TVP23A: variants seen among roughly 807,000 people sequenced by gnomAD.
TVP23A encodes the protein trans-golgi network vesicle protein 23 homolog A, also known as Golgi apparatus membrane protein TVP23 homolog A.
In TVP23A, 21 loss-of-function variants were observed where a neutral mutation model predicts 31.7. The ratio of observed to expected loss-of-function variants is 0.66; its 90% CI spans 0.47 to 0.95. The LOEUF is 0.95. TVP23A is among the 40% of genes least tolerant of loss of function. The pLI is 0.00. For missense variants in TVP23A, 279 were observed against 255.6 expected, an observed-to-expected ratio of 1.09 and a Z score of -0.62; for synonymous variants, 104 against 96.0, an observed-to-expected ratio of 1.08 and a Z score of -0.49.
chr16:10,799,397 G>C (rs932152142), intron 2 of TVP23A, among the ~76,000 whole-genome samples: 8 of 152,196 alleles, frequency 5.3e-5, no homozygotes, highest in African/African-American at 1.9e-4. Context: ...ATAGTGGTGG[G>C]ATCTTGGCTC....
chr16:10,818,273 G>T lies in TVP23A; in HGVS notation c.10-91C>A. The T allele has an allele frequency of 3.9e-6, 4 of 1,015,096 alleles. No homozygotes were observed. Among genetic ancestry groups the T allele is most frequent in the Non-Finnish European group, 5.7e-6 (4 of 706,424 alleles). 62.9% of individuals were successfully genotyped at this position (1,015,096 alleles called of 1,614,324 possible). A position where few individuals can be genotyped will look rare whatever the true frequency, so the allele number is the denominator to read the frequency against. The stretch of plus-strand genomic sequence containing the variant: ...GTCCTCCTGGGCTTGGACTCCACTT[G>T]CACCCCACCGGGTTCCCAAGTGGAC... On this transcript the variant is annotated intron_variant, in intron 1 of 7. Coordinates refer to ENST00000299866, the MANE Select transcript of TVP23A (RefSeq NM_001079512.4). The surrounding 1 kb of genome is among the most constrained non-coding windows in gnomAD (Gnocchi z 4.7).
downstream of TVP23A, chr16:10,761,114 G>A (rs1229166006): frequency 7.9e-6 from 3 of 379,692 alleles, no homozygotes; most frequent in Non-Finnish European, 1.5e-5. Flanking sequence ...GACCAGCATG[G>A]GGGAAACTGC....
chr16:10,809,420 C>T (rs1403144215), intron 2 of TVP23A, among the ~76,000 whole-genome samples: 1 of 152,226 alleles, frequency 6.6e-6, no homozygotes, highest in African/African-American at 2.4e-5. Context: ...AGTTGGCCAG[C>T]AGGCCTTGGG....
intron 2 of TVP23A, among the ~76,000 whole-genome samples, chr16:10,817,014 T>G (rs978068560): frequency 6.6e-6 from 1 of 151,650 alleles, no homozygotes; most frequent in Non-Finnish European, 1.5e-5. Context: ...AACACTGGCC[T>G]TGAAGACGGA....
chr16:10,792,643 A>C (rs974413054), intron 2 of TVP23A, among the ~76,000 whole-genome samples: 5 of 152,262 alleles, frequency 3.3e-5, no homozygotes, highest in Admixed American at 3.3e-4. Context: ...AGGTCCCTAT[A>C]AACCCTTCAG....
At chr16:10,813,999 CAAAAAAAAAAAAAAAAAAA>C (rs201277067) in intron 2 of TVP23A, among the ~76,000 whole-genome samples, 6 of 49,518 alleles carry the variant, frequency 1.2e-4, no homozygotes, top group African/African-American at 2.2e-4. Flanking sequence ...AACTCCATCT[CAAAAAAAAAAAAAAAAAAA>C]AAAAAAAAAA....
At chr16:10,761,554 C>G in exon 9 of TVP23A, 12 of 1,226,152 alleles carry the variant, frequency 9.8e-6, no homozygotes, top group African/African-American at 1.5e-5. Context: ...GCTCTGCAAA[C>G]TATTTCTGCT....
intron 2 of TVP23A, chr16:10,808,506 T>C (rs1177763766): frequency 4.4e-6 from 2 of 454,436 alleles, no homozygotes; most frequent in African/African-American, 2.0e-5. Flanking sequence ...AACCAAGAAA[T>C]AATAAGCAGG....
rs909177341 is a variant in TVP23A, at chr16:10,779,779, G to C, written c.90-4683C>G. Among the ~76,000 whole-genome samples, 1 of 152,190 alleles carries C rather than the reference G, an allele frequency of 6.6e-6. No homozygotes were observed. Among genetic ancestry groups the C allele is most frequent in the Non-Finnish European group, 1.5e-5 (1 of 68,034 alleles). ...CTTCTGAGCTATATGTCATGGATAA[G>C]TTTGCATTCATCTAAAATAAGTGAT... is the stretch of plus-strand genomic sequence containing the variant. On this transcript the variant is annotated intron_variant, in intron 2 of 7. Coordinates refer to ENST00000299866, the MANE Select transcript of TVP23A (RefSeq NM_001079512.4). This position sits in a 1 kb window ranked among gnomAD's most constrained non-coding sequence, Gnocchi z 4.9.
intron 2 of TVP23A, chr16:10,775,631 G>T: frequency 1.3e-6 from 1 of 794,956 alleles, no homozygotes; most frequent in Non-Finnish European, 1.5e-6. Context: ...GTGAATCCTG[G>T]CATTTAATCT....
chr16:10,769,056 A>G lies in TVP23A; in HGVS notation c.*46T>C, dbSNP rs757360350. 2 of 1,614,058 alleles carry G rather than the reference A, an allele frequency of 1.2e-6. No individual in the cohort carries two copies. The highest frequency in any genetic ancestry group is 8.5e-7 in the Non-Finnish European group (1 of 1,179,984). ...TCGTCTTGTTTTCCAGGAATCCAAG[A>G]GTTTTGTAATCTCCATCAGTCAAAA... On this transcript the variant is annotated 3_prime_UTR_variant, in exon 8 of 8. Coordinates refer to ENST00000299866, the MANE Select transcript of TVP23A (RefSeq NM_001079512.4).
Position 10,792,541 on chromosome 16 carries a change from T to C in TVP23A, c.90-17445A>G, listed in dbSNP as rs140072890. 3.3e-5 allele frequency among the ~76,000 whole-genome samples: 5 copies of C among 152,348 alleles called. No homozygotes were observed. In the East Asian group the frequency reaches 7.7e-4, roughly 23 times the overall value. On this transcript the variant is annotated intron_variant, in intron 2 of 7. Transcript: ENST00000299866. ...CGAGTGATTCTTCTGTGTGGGACAATTGAAGTGCTCTCTTCTCTTCCATTT... is the reference window on the plus strand; with the variant it reads ...CGAGTGATTCTTCTGTGTGGGACAACTGAAGTGCTCTCTTCTCTTCCATTT...
At chr16:10,774,405 T>C (rs1428102948) in intron 3 of TVP23A, among the ~76,000 whole-genome samples, 1 of 152,184 alleles carries the variant, frequency 6.6e-6, no homozygotes, top group African/African-American at 2.4e-5. Flanking sequence ...ACAAGTGATA[T>C]GGTTTGGCTG....
intron 2 of TVP23A, among the ~76,000 whole-genome samples, chr16:10,801,225 G>A (rs1326411136): frequency 1.3e-5 from 2 of 152,104 alleles, no homozygotes; most frequent in African/African-American, 2.4e-5. Context: ...GCCATCTTTA[G>A]TAGTGGCACA....
intron 2 of TVP23A, among the ~76,000 whole-genome samples, chr16:10,775,789 C>T (rs1488042731): frequency 6.8e-6 from 1 of 146,100 alleles, no homozygotes; most frequent in East Asian, 2.0e-4. Flanking sequence ...TGCTCTGTCC[C>T]CTAGGCTGGA....
At chr16:10,800,883 TGGG>T (rs1420726814) in intron 2 of TVP23A, among the ~76,000 whole-genome samples, 6 of 152,170 alleles carry the variant, frequency 3.9e-5, no homozygotes, top group African/African-American at 9.7e-5. Flanking sequence ...CTCAGCTATT[TGGG>T]AGGCTGAGGT....
intron 4 of TVP23A, 34 bp downstream of exon 4, chr16:10,774,005 C>G: frequency 6.5e-7 from 1 of 1,547,234 alleles, no homozygotes; most frequent in Non-Finnish European, 8.9e-7. Flanking sequence ...CCATTATCCC[C>G]GCTCTGGTTA....
At chr16:10,803,569 G>A (rs1031751409) in intron 2 of TVP23A, among the ~76,000 whole-genome samples, 2 of 152,278 alleles carry the variant, frequency 1.3e-5, no homozygotes, top group Non-Finnish European at 1.5e-5. Flanking sequence ...CAACTGATAT[G>A]GGATGACCAC....
At position 10,767,437 on chromosome 16, in the gene TVP23A, G is replaced by T. The variant is rs1326104576; in HGVS notation, c.*1665C>A. The T allele has an allele frequency of 7.5e-6, 3 of 400,114 alleles. No homozygotes were observed. Among genetic ancestry groups the T allele is most frequent in the Non-Finnish European group, 1.3e-5 (3 of 227,486 alleles). The allele number at this position is 400,114 out of a possible 1,614,324, so 24.8% of individuals were successfully genotyped here. Reference sequence around the variant, plus strand: ...GCAGCAGGCAGAATGTGTGTGTCATGTGCTCCCATTCGTATTTTAGGTATA... The same window carrying T: ...GCAGCAGGCAGAATGTGTGTGTCATTTGCTCCCATTCGTATTTTAGGTATA... On this transcript the variant is annotated 3_prime_UTR_variant, in exon 8 of 8. Transcript: ENST00000299866. The surrounding 1 kb of genome is among the most constrained non-coding windows in gnomAD (Gnocchi z 4.6).
Sources: allele counts gnomAD v4.1 joint callset (sites outside exome capture counted in the v4.1 genomes callset), GRCh38; gene constraint gnomAD v4.1.1; non-coding constraint Gnocchi (gnomAD v3.1); transcripts MANE v1.5; gene names NCBI Gene and HGNC (gene_info 2026-07-23, HGNC 2026-07-21).